The following CHRM2 variants were observed in gnomAD, a reference collection of about 807,000 sequenced individuals.
The protein encoded by CHRM2 is cholinergic receptor muscarinic 2.
A neutral mutation model predicts 25.0 loss-of-function variants in CHRM2; 8 were observed. That is an observed-to-expected ratio of 0.32 (90% CI 0.19 to 0.58). The LOEUF (loss-of-function observed/expected upper bound fraction) is 0.58, where lower values mean the gene tolerates loss of function less well. Ranked by LOEUF, CHRM2 falls within the 20% of genes least tolerant of loss-of-function variation. CHRM2 has a pLI of 0.88. For synonymous variants in CHRM2, 202 were observed against 205.7 expected (o/e 0.98, Z 0.15); for missense variants, 440 against 567.1 (o/e 0.78, Z 2.28).
chr7:137,007,258 C>T (rs533613315), intron 3 of CHRM2, among the ~76,000 whole-genome samples: 10 of 152,200 alleles, frequency 6.6e-5, no homozygotes, highest in African/African-American at 2.4e-4. Flanking sequence ...GAAATTTCAC[C>T]AGCAATTTGT....
At chr7:136,992,792 T>C (rs981536308) in intron 3 of CHRM2, among the ~76,000 whole-genome samples, 1 of 152,132 alleles carries the variant, frequency 6.6e-6, no homozygotes, top group Non-Finnish European at 1.5e-5. Flanking sequence ...CATGAAACTA[T>C]GAGAACTGGC....
At chr7:136,963,297 T>TA (rs1311971457) in intron 2 of CHRM2, among the ~76,000 whole-genome samples, 1 of 152,126 alleles carries the variant, frequency 6.6e-6, no homozygotes, top group African/African-American at 2.4e-5. Context: ...ACATTTGTTT[T>TA]AAAAGCGTTT....
intron 3 of CHRM2, among the ~76,000 whole-genome samples, chr7:137,000,536 A>AAAG (rs1803935370): frequency 2.4e-5 from 1 of 40,892 alleles, no homozygotes; most frequent in Non-Finnish European, 4.8e-5. Flanking sequence ...AGAAAGAAAG[A>AAAG]AAAGAAAGAA....
At chr7:136,915,785 T>G (rs1798070869) in intron 2 of CHRM2, among the ~76,000 whole-genome samples, 1 of 151,816 alleles carries the variant, frequency 6.6e-6, no homozygotes, top group East Asian at 1.9e-4. Context: ...CAGTATATAA[T>G]GACTCCAAAC....
At chr7:136,927,776 T>A (rs74896372) in intron 2 of CHRM2, among the ~76,000 whole-genome samples, 2,178 of 152,292 alleles carry the variant, frequency 0.014, 50 homozygotes, top group African/African-American at 0.049. Context: ...ATTATTTTCA[T>A]CACCAGGAAA....
chr7:136,996,295 AAC>A (rs1377879918), intron 3 of CHRM2, among the ~76,000 whole-genome samples: 2 of 152,110 alleles, frequency 1.3e-5, no homozygotes, highest in East Asian at 1.9e-4. Context: ...CAATAGATAT[AAC>A]ACATGTAAAA....
chr7:136,899,375 A>G (rs532610372), intron 2 of CHRM2: 1 of 152,140 alleles, frequency 6.6e-6, no homozygotes, highest in Non-Finnish European at 1.5e-5. Context: ...TAAAAATGTG[A>G]ATAATTGGTT....
chr7:136,972,464 C>A (rs1163881636), intron 2 of CHRM2, among the ~76,000 whole-genome samples: 1 of 152,050 alleles, frequency 6.6e-6, no homozygotes, highest in Non-Finnish European at 1.5e-5. Flanking sequence ...GTCAGTGACA[C>A]AATATAGTCT....
At chr7:136,952,778 GT>G (rs939548055) in intron 2 of CHRM2, among the ~76,000 whole-genome samples, 1 of 151,986 alleles carries the variant, frequency 6.6e-6, no homozygotes, top group Non-Finnish European at 1.5e-5. Context: ...GTGTTCATGT[GT>G]TCCTATCACT....
At chr7:136,875,284 G>C (rs191428588) in intron 2 of CHRM2, among the ~76,000 whole-genome samples, 1 of 151,824 alleles carries the variant, frequency 6.6e-6, no homozygotes, top group Non-Finnish European at 1.5e-5. Context: ...AAACGTAGAC[G>C]TTTTACTCTT....
chr7:136,986,493 C>A, intron 2 of CHRM2, among the ~76,000 whole-genome samples: 1 of 152,274 alleles, frequency 6.6e-6, no homozygotes, highest in Middle Eastern at 3.4e-3. Flanking sequence ...GTCCTGATCA[C>A]AGTTAGTTAA....
At chr7:136,988,247 G>A (rs1403952791) in intron 2 of CHRM2, among the ~76,000 whole-genome samples, 1 of 151,720 alleles carries the variant, frequency 6.6e-6, no homozygotes, top group African/African-American at 2.4e-5. Context: ...GAAGACAAAA[G>A]GAAAGAGAAA....
intron 3 of CHRM2, among the ~76,000 whole-genome samples, chr7:137,009,226 T>C (rs997135666): frequency 4.5e-4 from 69 of 152,120 alleles, no homozygotes; most frequent in African/African-American, 1.6e-3. Context: ...TCCGCTTTTA[T>C]CTAAATGTAT....
chr7:136,973,992 G>A (rs1396059874), intron 2 of CHRM2, among the ~76,000 whole-genome samples: 2 of 152,098 alleles, frequency 1.3e-5, no homozygotes, highest in East Asian at 1.9e-4. Flanking sequence ...CCTTTCTTGA[G>A]AATAGAACAT....
intron 2 of CHRM2, among the ~76,000 whole-genome samples, chr7:136,927,491 T>C (rs949725413): frequency 6.6e-6 from 1 of 151,970 alleles, no homozygotes; most frequent in East Asian, 1.9e-4. Flanking sequence ...TCATCACTAC[T>C]AGTTGACTAG....
chr7:136,977,952 T>C (rs1391334196), intron 2 of CHRM2, among the ~76,000 whole-genome samples: 1 of 152,182 alleles, frequency 6.6e-6, no homozygotes, highest in East Asian at 1.9e-4. Flanking sequence ...TTCTTCTGCA[T>C]ATGGCTAATC....
At chr7:136,960,182 C>G (rs1228791138) in intron 2 of CHRM2, among the ~76,000 whole-genome samples, 2 of 152,160 alleles carry the variant, frequency 1.3e-5, no homozygotes, top group Non-Finnish European at 2.9e-5. Context: ...TTCTCTGTAC[C>G]TGGGTCTTAG....
chr7:136,982,897 G>A (rs1369283583), intron 2 of CHRM2, among the ~76,000 whole-genome samples: 1 of 152,018 alleles, frequency 6.6e-6, no homozygotes, highest in African/African-American at 2.4e-5. Flanking sequence ...TTCAACCTTG[G>A]TGAATCTGAC....
At chr7:136,921,794 C>CTTTCTTTCTTTCTTTCTTTCTTTT (rs776923730) in intron 2 of CHRM2, among the ~76,000 whole-genome samples, 32 of 116,626 alleles carry the variant, frequency 2.7e-4, no homozygotes, top group African/African-American at 8.3e-4. Flanking sequence ...TTCTTTCTTT[C>CTTTCTTTCTTTCTTTCTTTCTTTT]TTTTTTTTGA....
Sources: gnomAD v4.1 joint callset for allele counts (sites outside exome capture counted in the v4.1 genomes callset) on GRCh38, gnomAD v4.1.1 for gene constraint, MANE v1.5 for transcripts, NCBI Gene and HGNC (gene_info 2026-07-23, HGNC 2026-07-21) for gene names.